The following HSDL2 variants were observed in gnomAD, a reference collection of about 807,000 sequenced individuals.
HSDL2 encodes the protein hydroxysteroid dehydrogenase-like protein 2.
HSDL2 carries 27 observed loss-of-function variants against 46.3 expected under a neutral mutation model. That is an observed-to-expected ratio of 0.58 (90% CI 0.43 to 0.80). HSDL2 has a LOEUF of 0.80. Among genes scored for constraint, HSDL2 ranks in the 30% least tolerant of loss-of-function variants. The pLI, the probability that HSDL2 is intolerant of heterozygous loss-of-function variation, is 0.00. For synonymous variants in HSDL2, 153 were observed against 163.6 expected, an observed-to-expected ratio of 0.94 and a Z score of 0.50; for missense variants, 451 against 502.7, an observed-to-expected ratio of 0.90 and a Z score of 0.98.
At chr9:112,404,782 A>C (rs1047064017) in intron 2 of HSDL2, among the ~76,000 whole-genome samples, 1 of 152,258 alleles carries the variant, frequency 6.6e-6, no homozygotes, top group Non-Finnish European at 1.5e-5. Flanking sequence ...AGGGCTTAAA[A>C]ATTCAAGTTC....
At chr9:112,413,369 C>T (rs576582667) in intron 4 of HSDL2, among the ~76,000 whole-genome samples, 133 of 151,958 alleles carry the variant, frequency 8.8e-4, no homozygotes, top group Middle Eastern at 3.4e-3. Context: ...TCCAGCTACT[C>T]GGGAGGCTGA....
At chr9:112,449,080 G>GTTTTTTTTTTTTTTTTTTTTT (rs59586435) in intron 8 of HSDL2, among the ~76,000 whole-genome samples, 1 of 118,952 alleles carries the variant, frequency 8.4e-6, no homozygotes. Context: ...TCTTTCCTCT[G>GTTTTTTTTTTTTTTTTTTTTT]TTTTTTTTTT....
rs190181274 is a variant in HSDL2 at position 112,427,132 on chromosome 9, G to A, written c.598+8174G>A. ...TGCAGTGGCACGATCTCAGCCCACT[G>A]CAGCCTCCACCTCCCAGGTTTAAGT... is the stretch of plus-strand genomic sequence containing the variant. On this transcript the variant is annotated intron_variant, in intron 6 of 10. Transcript: ENST00000398805. Among the ~76,000 whole-genome samples the A allele has an allele frequency of 2.9e-3, 440 of 152,292 alleles. 1 individual carries two copies. The highest frequency in any genetic ancestry group is 4.8e-3 in the Non-Finnish European group (325 of 68,016).
intron 10 of HSDL2, chr9:112,469,637 A>G (rs1833506628): frequency 1.5e-5 from 2 of 136,116 alleles, no homozygotes; most frequent in South Asian, 4.9e-4. Flanking sequence ...CATGTACTCC[A>G]GCCTGGGAGA....
chr9:112,455,597 A>G (rs572375804), intron 9 of HSDL2, among the ~76,000 whole-genome samples: 27 of 152,372 alleles, frequency 1.8e-4, no homozygotes, highest in African/African-American at 6.5e-4. Context: ...CTGTACCAGT[A>G]GAAATTGACT....
chr9:112,399,004 AC>A (rs1248953508), intron 1 of HSDL2, among the ~76,000 whole-genome samples: 1 of 152,208 alleles, frequency 6.6e-6, no homozygotes, highest in Non-Finnish European at 1.5e-5. Context: ...GTTTCTGTGA[AC>A]CGGACCAATG....
At chr9:112,386,749 C>T (rs1400631926) in intron 1 of HSDL2, among the ~76,000 whole-genome samples, 1 of 152,174 alleles carries the variant, frequency 6.6e-6, no homozygotes, top group African/African-American at 2.4e-5. Context: ...TGCCATTGCA[C>T]ACCAGCCTGG....
At chr9:112,430,857 A>G (rs568498628) in intron 6 of HSDL2, among the ~76,000 whole-genome samples, 15 of 152,184 alleles carry the variant, frequency 9.9e-5, no homozygotes, top group African/African-American at 3.4e-4. Flanking sequence ...GTTCGAGACC[A>G]GCCTGGCCAA....
chr9:112,407,192 A>G (rs1294970931), intron 3 of HSDL2, among the ~76,000 whole-genome samples: 1 of 152,174 alleles, frequency 6.6e-6, no homozygotes, highest in Non-Finnish European at 1.5e-5. Context: ...AGAAGAGGAG[A>G]GAAAATGCAA....
intron 4 of HSDL2, among the ~76,000 whole-genome samples, chr9:112,412,263 G>T (rs1348148887): frequency 2.0e-5 from 3 of 147,848 alleles, no homozygotes; most frequent in South Asian, 2.2e-4. Flanking sequence ...GGCGTCAGGA[G>T]AATTTTGACG....
At chr9:112,410,654 T>C (rs561706369) in intron 4 of HSDL2, among the ~76,000 whole-genome samples, 1 of 118,982 alleles carries the variant, frequency 8.4e-6, no homozygotes, top group East Asian at 2.5e-4. Context: ...GGGCCAGGCA[T>C]GGCGGCTCAT....
At chr9:112,448,629 G>A (rs1832803938) in intron 8 of HSDL2, among the ~76,000 whole-genome samples, 1 of 152,048 alleles carries the variant, frequency 6.6e-6, no homozygotes, top group African/African-American at 2.4e-5. Flanking sequence ...TTGGCTCACT[G>A]CAACGTCCGC....
intron 6 of HSDL2, among the ~76,000 whole-genome samples, chr9:112,420,814 C>A (rs1336706398): frequency 1.3e-5 from 2 of 152,188 alleles, no homozygotes; most frequent in East Asian, 3.8e-4. Flanking sequence ...ATATACATTT[C>A]TGTTACATTA....
intron 5 of HSDL2, among the ~76,000 whole-genome samples, chr9:112,418,358 G>A (rs1453906973): frequency 6.6e-6 from 1 of 152,022 alleles, no homozygotes; most frequent in Non-Finnish European, 1.5e-5. Flanking sequence ...TAAGGCAGGT[G>A]GATTGCTTGA....
chr9:112,403,913 T>C (rs1831663622), intron 1 of HSDL2, 82 bp from the exon 2 acceptor site: 2 of 1,403,952 alleles, frequency 1.4e-6, no homozygotes, highest in African/African-American at 2.9e-5. Flanking sequence ...ACATATATTA[T>C]GAAAATATGC....
intron 7 of HSDL2, among the ~76,000 whole-genome samples, chr9:112,439,324 A>T (rs1234555839): frequency 6.6e-6 from 1 of 152,164 alleles, no homozygotes; most frequent in Non-Finnish European, 1.5e-5. Flanking sequence ...TGTTTAAAAT[A>T]ATTTATGATT....
intron 1 of HSDL2, among the ~76,000 whole-genome samples, chr9:112,396,750 G>A (rs1329061690): frequency 1.3e-5 from 2 of 152,162 alleles, no homozygotes; most frequent in Non-Finnish European, 2.9e-5. Context: ...GAATTAGGTA[G>A]TAAATTTAGA....
rs1832129906 is a variant in HSDL2, at chr9:112,421,784, A to G, written c.598+2826A>G. On this transcript the variant is annotated intron_variant, in intron 6 of 10. Transcript: ENST00000398805. The stretch of plus-strand genomic sequence containing the variant: ...TGCCGGCAGAGGGGGTTTCTAGATG[A>G]CTACTGGAATTCATGTCCCTGCCGT... 2.0e-5 allele frequency among the ~76,000 whole-genome samples: 3 copies of G among 152,312 alleles called. No homozygotes were observed. In the South Asian group the frequency reaches 6.2e-4, roughly 32 times the overall value.
At chr9:112,409,456 G>T (rs1040599623) in intron 4 of HSDL2, among the ~76,000 whole-genome samples, 1 of 152,154 alleles carries the variant, frequency 6.6e-6, no homozygotes, top group South Asian at 2.1e-4. Context: ...CTCCCAAAGT[G>T]CTGGGATTAC....
Sources: allele counts gnomAD v4.1 joint callset (sites outside exome capture counted in the v4.1 genomes callset), GRCh38; gene constraint gnomAD v4.1.1; transcripts MANE v1.5; gene names NCBI Gene and HGNC (gene_info 2026-07-23, HGNC 2026-07-21).